Variants in OPCML observed in about 807,000 individuals in gnomAD.
The protein encoded by OPCML is opioid binding protein/cell adhesion molecule like.
In OPCML, 13 loss-of-function variants were observed where a neutral mutation model predicts 37.8. The observed-to-expected ratio is 0.34, with a 90% CI of 0.22 to 0.55. The LOEUF (loss-of-function observed/expected upper bound fraction) is 0.55. Ranked by LOEUF, OPCML falls within the 20% of genes least tolerant of loss-of-function variation. The pLI, the probability that OPCML is intolerant of heterozygous loss-of-function variation, is 0.91. For missense variants in OPCML, 341 were observed against 435.6 expected (o/e 0.78, Z 1.93); for synonymous variants, 176 against 168.8 (o/e 1.04, Z -0.33).
intron 4 of OPCML, among the ~76,000 whole-genome samples, chr11:132,482,577 A>G (rs1433905066): frequency 1.3e-5 from 2 of 152,262 alleles, no homozygotes; most frequent in Non-Finnish European, 2.9e-5. Context: ...TTATGAGTCC[A>G]GCATCATTCT....
At chr11:133,437,532 C>T (rs942344073) in intron 1 of OPCML, among the ~76,000 whole-genome samples, 1 of 152,064 alleles carries the variant, frequency 6.6e-6, no homozygotes, top group Non-Finnish European at 1.5e-5. Context: ...CTCAGCCAAC[C>T]GACTCTTCCC....
intron 4 of OPCML, among the ~76,000 whole-genome samples, chr11:132,528,397 G>A (rs923678276): frequency 6.6e-6 from 1 of 152,096 alleles, no homozygotes; most frequent in Non-Finnish European, 1.5e-5. Context: ...ATTTCAAGTG[G>A]CTCTGTGCCC....
At chr11:132,908,002 G>A (rs189499764) in intron 2 of OPCML, among the ~76,000 whole-genome samples, 4 of 152,234 alleles carry the variant, frequency 2.6e-5, no homozygotes, top group Admixed American at 2.6e-4. Context: ...AACATATTGT[G>A]TCCCAAAGCT....
intron 1 of OPCML, among the ~76,000 whole-genome samples, chr11:133,095,153 T>C (rs938622001): frequency 1.3e-5 from 2 of 152,012 alleles, no homozygotes; most frequent in Admixed American, 6.6e-5. Flanking sequence ...CAGTATCTCA[T>C]TGGATCAACA....
intron 1 of OPCML, among the ~76,000 whole-genome samples, chr11:132,997,039 G>C (rs1946901312): frequency 6.6e-6 from 1 of 152,100 alleles, no homozygotes; most frequent in African/African-American, 2.4e-5. Context: ...CCAGGTAACT[G>C]TCAGCATTGC....
rs535193765 is a variant in OPCML at position 133,412,503 on chromosome 11, T to C, written c.61+119761A>G. On this transcript the variant is annotated intron_variant, in intron 1 of 7. Transcript: ENST00000524381. ...ATATCCAACAGCACCTTAGTCCTCA[T>C]CATCAACCTCATGATAGCTATTCAT... is the stretch of plus-strand genomic sequence containing the variant. Among the ~76,000 whole-genome samples, 399 of 152,298 alleles carry C rather than the reference T, an allele frequency of 2.6e-3. 5 individuals carry two copies. Among genetic ancestry groups the C allele is most frequent in the Non-Finnish European group, 1.3e-3 (89 of 68,024 alleles).
intron 1 of OPCML, among the ~76,000 whole-genome samples, chr11:133,399,365 C>A (rs910906072): frequency 3.3e-5 from 5 of 152,130 alleles, no homozygotes; most frequent in African/African-American, 1.2e-4. Flanking sequence ...TTTGCTTAAC[C>A]TCTTTAAGCA....
intron 1 of OPCML, among the ~76,000 whole-genome samples, chr11:133,450,290 A>T (rs1476540848): frequency 6.6e-6 from 1 of 151,734 alleles, no homozygotes; most frequent in East Asian, 1.9e-4. Context: ...CTGTTCTCAG[A>T]GTAGTTATTC....
intron 1 of OPCML, among the ~76,000 whole-genome samples, chr11:133,175,678 G>A (rs1950362578): frequency 6.8e-6 from 1 of 146,652 alleles, no homozygotes; most frequent in South Asian, 2.2e-4. Context: ...TTTTTTGAGA[G>A]TCTGGATTTA....
At chr11:132,471,855 A>G (rs1375453254) in intron 4 of OPCML, among the ~76,000 whole-genome samples, 1 of 152,160 alleles carries the variant, frequency 6.6e-6, no homozygotes, top group Non-Finnish European at 1.5e-5. Flanking sequence ...ATCCCATTCA[A>G]TGAGAACTCC....
At position 133,206,769 on chromosome 11, in the gene OPCML, C is replaced by T. The variant is rs1207858028; in HGVS notation, c.62-263759G>A. Among the ~76,000 whole-genome samples, 1 of 152,290 alleles carries T rather than the reference C, an allele frequency of 6.6e-6. No homozygotes were observed. The highest frequency in any genetic ancestry group is 1.9e-4 in the East Asian group (1 of 5,174). ...GGAAACAAGAAATGCACTGCCTCGGCGGAGTCTTCTGGTCCGCAGGTTTGT... is the reference window on the plus strand; with the variant it reads ...GGAAACAAGAAATGCACTGCCTCGGTGGAGTCTTCTGGTCCGCAGGTTTGT... On this transcript the variant is annotated intron_variant, in intron 1 of 7. Coordinates refer to ENST00000524381, the MANE Select transcript of OPCML (RefSeq NM_001012393.5). The surrounding 1 kb of genome is among the most constrained non-coding windows in gnomAD (Gnocchi z 4.7).
intron 7 of OPCML, among the ~76,000 whole-genome samples, chr11:132,428,296 T>C (rs1399235251): frequency 6.6e-6 from 1 of 152,180 alleles, no homozygotes; most frequent in African/African-American, 2.4e-5. Flanking sequence ...CTTTGGTTAG[T>C]GAAAGGTATG....
At chr11:132,493,345 C>G (rs561040811) in intron 4 of OPCML, among the ~76,000 whole-genome samples, 27 of 152,180 alleles carry the variant, frequency 1.8e-4, no homozygotes, top group Non-Finnish European at 2.8e-4. Flanking sequence ...AGATGCTCTT[C>G]CCTTTATATC....
intron 1 of OPCML, among the ~76,000 whole-genome samples, chr11:133,469,597 T>C (rs1947058735): frequency 6.6e-6 from 1 of 152,212 alleles, no homozygotes; most frequent in African/African-American, 2.4e-5. Context: ...ATTGCTCCAA[T>C]TGTTTTCTCT....
chr11:133,189,589 A>G (rs943198783), intron 1 of OPCML, among the ~76,000 whole-genome samples: 1 of 152,228 alleles, frequency 6.6e-6, no homozygotes, highest in Non-Finnish European at 1.5e-5. Context: ...TAGAAATAAG[A>G]GTCCTTCAGG....
chr11:133,333,134 C>G (rs1270760403), intron 1 of OPCML, among the ~76,000 whole-genome samples: 1 of 152,146 alleles, frequency 6.6e-6, no homozygotes, highest in South Asian at 2.1e-4. Context: ...TCTCAGCACA[C>G]TGCAACCTCT....
At chr11:133,452,260 A>G (rs1201018067) in intron 1 of OPCML, among the ~76,000 whole-genome samples, 2 of 151,566 alleles carry the variant, frequency 1.3e-5, no homozygotes, top group Admixed American at 1.3e-4. Flanking sequence ...ATACATGAAT[A>G]ACCAGAAAAT....
chr11:132,685,340 G>C (rs1943119802), intron 2 of OPCML, among the ~76,000 whole-genome samples: 1 of 152,208 alleles, frequency 6.6e-6, no homozygotes, highest in African/African-American at 2.4e-5. Context: ...AATGTTGAGA[G>C]ATTTGCTTTG....
chr11:133,496,239 A>T (rs759517321), intron 1 of OPCML, among the ~76,000 whole-genome samples: 17 of 152,180 alleles, frequency 1.1e-4, no homozygotes, highest in Non-Finnish European at 2.4e-4. Context: ...TGGGTTCCCT[A>T]TTCTGTTCCA....
Sources: gnomAD v4.1 joint callset for allele counts (sites outside exome capture counted in the v4.1 genomes callset) on GRCh38, gnomAD v4.1.1 for gene constraint, Gnocchi (gnomAD v3.1) non-coding constraint, MANE v1.5 for transcripts, NCBI Gene and HGNC (gene_info 2026-07-23, HGNC 2026-07-21) for gene names.